The following TBXAS1 variants were observed in gnomAD, a reference collection of about 807,000 sequenced individuals.
TBXAS1 encodes the protein thromboxane-A synthase.
Under a neutral mutation model 60.7 loss-of-function variants are expected in TBXAS1, and 48 were observed. That is an observed-to-expected ratio of 0.79 (90% CI 0.63 to 1.01). The LOEUF (loss-of-function observed/expected upper bound fraction) is 1.01, where lower values mean the gene tolerates loss of function less well. Ranked by LOEUF, TBXAS1 falls within the 50% of genes least tolerant of loss-of-function variation. The pLI is 0.00. For synonymous variants in TBXAS1, 287 were observed against 269.7 expected (o/e 1.06, Z -0.63); for missense variants, 685 against 686.3 (o/e 1.00, Z 0.02).
intron 4 of TBXAS1, among the ~76,000 whole-genome samples, chr7:139,809,272 AC>A (rs1406439928): frequency 7.4e-6 from 1 of 134,822 alleles, no homozygotes; most frequent in East Asian, 2.2e-4. Context: ...GATAGATAGA[AC>A]CAATAGGAAA....
In TBXAS1 at chr7:139,859,317, C is replaced by T. The variant is rs983687332; in HGVS notation, c.90-12918C>T. Among the ~76,000 whole-genome samples the T allele has an allele frequency of 6.0e-5, 9 of 149,968 alleles. No homozygotes were observed. In the East Asian group the frequency reaches 1.6e-3, roughly 27 times the overall value. Reference sequence around the variant, plus strand: ...CGCCTCCCGGGTTCACACCATTCTTCTGCCTTAGCCTCCCAAGTAGCTGGG... The same window carrying T: ...CGCCTCCCGGGTTCACACCATTCTTTTGCCTTAGCCTCCCAAGTAGCTGGG... On this transcript the variant is annotated intron_variant, in intron 1 of 12. Coordinates refer to ENST00000448866, the MANE Select transcript of TBXAS1 (RefSeq NM_001061.7).
intron 1 of TBXAS1, among the ~76,000 whole-genome samples, chr7:139,859,298 C>T (rs1158252805): frequency 6.6e-6 from 1 of 151,598 alleles, no homozygotes; most frequent in Admixed American, 6.6e-5. Context: ...GCTCCGCCTC[C>T]CGGGTTCACA....
chr7:139,916,250 A>G lies in TBXAS1; in HGVS notation c.333+4929A>G, dbSNP rs1163661689. Among the ~76,000 whole-genome samples, 1 of 152,146 alleles carries G rather than the reference A, an allele frequency of 6.6e-6. No homozygotes were observed. The highest frequency in any genetic ancestry group is 2.4e-5 in the African/African-American group (1 of 41,436). On this transcript the variant is annotated intron_variant, in intron 4 of 12. Transcript: ENST00000448866. This position sits in a 1 kb window ranked among gnomAD's most constrained non-coding sequence, Gnocchi z 4.2. ...TTCTTGGCCTCCTATCAAGGCCTAG[A>G]GTTAGGGAGCTGTGGGAAGGGTGAT...
At chr7:139,786,241 T>C (rs1797191800) in intron 3 of TBXAS1, among the ~76,000 whole-genome samples, 1 of 151,768 alleles carries the variant, frequency 6.6e-6, no homozygotes, top group South Asian at 2.1e-4. Context: ...AATGTCTGCC[T>C]CATCAGTAGA....
chr7:139,970,256 G>A (rs57615469), intron 9 of TBXAS1, among the ~76,000 whole-genome samples: 7 of 152,218 alleles, frequency 4.6e-5, no homozygotes, highest in Non-Finnish European at 7.3e-5. Flanking sequence ...ACAGGCTCAC[G>A]CCACCATGCC....
At position 139,896,100 on chromosome 7, in the gene TBXAS1, A is replaced by C. The variant is rs1380669775; in HGVS notation, c.237-15125A>C. On this transcript the variant is annotated intron_variant, in intron 3 of 12. Coordinates refer to ENST00000448866, the MANE Select transcript of TBXAS1 (RefSeq NM_001061.7). The surrounding 1 kb of genome is among the most constrained non-coding windows in gnomAD (Gnocchi z 4.0). ...CCCAGTCCTGGAAAGGCAGCTTAAA[A>C]CCATCCTTCCACTTGCTCTTAAGGG... Among the ~76,000 whole-genome samples the C allele has an allele frequency of 6.6e-6, 1 of 152,136 alleles. No homozygotes were observed. The highest frequency in any genetic ancestry group is 2.4e-5 in the African/African-American group (1 of 41,436).
At chr7:140,016,125 G>T (rs760837539) in intron 11 of TBXAS1, among the ~76,000 whole-genome samples, 9 of 152,016 alleles carry the variant, frequency 5.9e-5, no homozygotes, top group African/African-American at 1.5e-4. Context: ...TCAGGAGATC[G>T]AGACCATCCT....
chr7:139,909,693 G>A (rs1805369575), intron 3 of TBXAS1, among the ~76,000 whole-genome samples: 1 of 152,160 alleles, frequency 6.6e-6, no homozygotes, highest in Non-Finnish European at 1.5e-5. Context: ...TATCATTTGG[G>A]TTTATGAAAA....
intron 1 of TBXAS1, among the ~76,000 whole-genome samples, chr7:139,863,443 T>A (rs1183107835): frequency 6.6e-6 from 1 of 152,170 alleles, no homozygotes; most frequent in Non-Finnish European, 1.5e-5. Flanking sequence ...TCACTAAATC[T>A]TGTATATAGG....
chr7:139,890,749 T>G (rs1803536719), intron 3 of TBXAS1, among the ~76,000 whole-genome samples: 1 of 152,214 alleles, frequency 6.6e-6, no homozygotes, highest in Admixed American at 6.5e-5. Flanking sequence ...GTTGATGTTT[T>G]GGGGGATGTT....
intron 7 of TBXAS1, among the ~76,000 whole-genome samples, chr7:139,956,682 G>T (rs1326023970): frequency 1.3e-5 from 2 of 152,272 alleles, no homozygotes; most frequent in African/African-American, 4.8e-5. Context: ...ATCGTAGGCA[G>T]AGTCACTCTG....
At chr7:139,799,618 A>G (rs1366062631) in intron 4 of TBXAS1, among the ~76,000 whole-genome samples, 2 of 152,130 alleles carry the variant, frequency 1.3e-5, no homozygotes, top group South Asian at 4.1e-4. Flanking sequence ...TGGCTTCCCA[A>G]AGTGCTGGAA....
chr7:139,780,646 G>C (rs968340017), intron 1 of TBXAS1: 6 of 154,332 alleles, frequency 3.9e-5, no homozygotes, highest in Admixed American at 3.3e-4. Context: ...TTTATATAGA[G>C]GGCAGACACA....
intron 4 of TBXAS1, among the ~76,000 whole-genome samples, chr7:139,915,342 T>TA (rs1344072598): frequency 6.6e-6 from 1 of 152,234 alleles, no homozygotes; most frequent in Non-Finnish European, 1.5e-5. Context: ...GCCTTCCCTC[T>TA]AATAGGCCAT....
intron 6 of TBXAS1, 191 bp downstream of exon 6, chr7:139,953,647 C>A: frequency 1.7e-6 from 1 of 587,828 alleles, no homozygotes; most frequent in South Asian, 1.9e-5. Flanking sequence ...GTGAGCAGAG[C>A]CAGGGTACGT....
intron 9 of TBXAS1, among the ~76,000 whole-genome samples, chr7:139,992,431 G>A (rs943732984): frequency 6.6e-6 from 1 of 152,192 alleles, no homozygotes; most frequent in Non-Finnish European, 1.5e-5. Context: ...ACTCTCTTGG[G>A]TCCAAAGGCC....
intron 4 of TBXAS1, among the ~76,000 whole-genome samples, chr7:139,803,099 T>A (rs1797761644): frequency 6.6e-6 from 1 of 152,220 alleles, no homozygotes; most frequent in Non-Finnish European, 1.5e-5. Context: ...TGGAACTGGG[T>A]AACAGACAGA....
chr7:139,814,708 C>T (rs1798105260), intron 4 of TBXAS1, among the ~76,000 whole-genome samples: 1 of 152,124 alleles, frequency 6.6e-6, no homozygotes, highest in Non-Finnish European at 1.5e-5. Context: ...TGGAGGATTT[C>T]AAGCAGAGAC....
At chr7:139,796,282 A>C (rs1797569879) in intron 4 of TBXAS1, among the ~76,000 whole-genome samples, 1 of 152,238 alleles carries the variant, frequency 6.6e-6, no homozygotes, top group Admixed American at 6.5e-5. Flanking sequence ...ACTAGGGTTC[A>C]TCTATGCAAT....
Sources: allele counts gnomAD v4.1 joint callset (sites outside exome capture counted in the v4.1 genomes callset), GRCh38; gene constraint gnomAD v4.1.1; non-coding constraint Gnocchi (gnomAD v3.1); transcripts MANE v1.5; gene names NCBI Gene and HGNC (gene_info 2026-07-23, HGNC 2026-07-21).